The following PTCHD4 variants were observed in gnomAD, a reference collection of about 807,000 sequenced individuals.
PTCHD4 encodes patched domain-containing protein 4.
In PTCHD4, 33 loss-of-function variants were observed where a neutral mutation model predicts 58.1. That is an observed-to-expected ratio of 0.57 (90% CI 0.43 to 0.76). The LOEUF is 0.76. PTCHD4 is among the 30% of genes least tolerant of loss of function. The pLI is 0.00. For missense variants in PTCHD4, 1,058 were observed against 1,027.1 expected, an observed-to-expected ratio of 1.03 and a Z score of -0.41; for synonymous variants, 478 against 409.6, an observed-to-expected ratio of 1.17 and a Z score of -2.02.
chr6:47,959,271 A>G (rs1766989464), intron 4 of PTCHD4, among the ~76,000 whole-genome samples: 2 of 152,332 alleles, frequency 1.3e-5, no homozygotes, highest in African/African-American at 4.8e-5. Context: ...AATAAAAATG[A>G]CAATTCCTGG....
intron 4 of PTCHD4, among the ~76,000 whole-genome samples, chr6:47,934,580 G>T (rs531562291): frequency 6.6e-6 from 1 of 152,060 alleles, no homozygotes; most frequent in African/African-American, 2.4e-5. Flanking sequence ...AGTTAAATTT[G>T]ACCAGTGTGA....
intron 3 of PTCHD4, among the ~76,000 whole-genome samples, chr6:48,064,008 G>T (rs1764713255): frequency 6.6e-6 from 1 of 152,148 alleles, no homozygotes; most frequent in Admixed American, 6.5e-5. Context: ...TTAAGAAGCA[G>T]GAAAGTCTAT....
At chr6:47,938,310 T>C (rs1315957756) in intron 4 of PTCHD4, among the ~76,000 whole-genome samples, 1 of 152,296 alleles carries the variant, frequency 6.6e-6, no homozygotes, top group East Asian at 1.9e-4. Flanking sequence ...AGTGGAATGA[T>C]GGGGCTTGTG....
intron 1 of PTCHD4, among the ~76,000 whole-genome samples, chr6:48,110,017 T>C (rs1340106011): frequency 6.6e-6 from 1 of 152,154 alleles, no homozygotes; most frequent in Non-Finnish European, 1.5e-5. Flanking sequence ...GTTGGAAATG[T>C]AAACTGGTAA....
Position 47,931,162 on chromosome 6 carries a change from G to A in PTCHD4, c.899-51226C>T, listed in dbSNP as rs973500169. ...GAAGGTTCATTAATCCACCCAAAGC[G>A]TTCCTGAATGAGGGACCTGGCAGCA... is the stretch of plus-strand genomic sequence containing the variant. On this transcript the variant is annotated intron_variant, in intron 4 of 4. Coordinates refer to ENST00000339488, the MANE Select transcript of PTCHD4 (RefSeq NM_001384253.1). 5.0e-4 allele frequency among the ~76,000 whole-genome samples: 76 copies of A among 152,318 alleles called. 1 individual carries two copies. The highest frequency in any genetic ancestry group is 3.4e-3 in the Middle Eastern group (1 of 294).
At chr6:48,035,200 C>T (rs1763588882) in intron 3 of PTCHD4, among the ~76,000 whole-genome samples, 1 of 151,936 alleles carries the variant, frequency 6.6e-6, no homozygotes, top group Non-Finnish European at 1.5e-5. Context: ...ATATAATATA[C>T]CATTGAAACA....
At chr6:47,932,559 T>G (rs1765862203) in intron 4 of PTCHD4, among the ~76,000 whole-genome samples, 1 of 152,244 alleles carries the variant, frequency 6.6e-6, no homozygotes, top group Non-Finnish European at 1.5e-5. Context: ...TCAGTAACTA[T>G]GTTCAGAGTA....
chr6:47,879,055 C>T lies in PTCHD4; in HGVS notation c.1780G>A (p.Ala594Thr), dbSNP rs769436565. ...GCAATGATATTGCTTTCATCCCCTG[C>T]CTTGGAGAAGATGATATCATTTCGA... The part of the protein sequence containing the change: ...HFRNDIIFSK[A>T]GDESNIIASR... Residue 594 changes from alanine (A) to threonine (T), a missense_variant, in exon 5 of 5, where the codon GCA becomes ACA. Physicochemically the swap from Ala to Thr is moderately conservative, Grantham distance 58. Coordinates refer to ENST00000339488, the MANE Select transcript of PTCHD4 (RefSeq NM_001384253.1). 1 of 1,613,458 alleles carries T rather than the reference C, an allele frequency of 6.2e-7. No individual in the cohort carries two copies. Among genetic ancestry groups the T allele is most frequent in the Non-Finnish European group, 8.5e-7 (1 of 1,179,748 alleles).
At chr6:48,020,015 G>T (rs965207223) in intron 3 of PTCHD4, among the ~76,000 whole-genome samples, 3 of 152,064 alleles carry the variant, frequency 2.0e-5, no homozygotes, top group East Asian at 1.9e-4. Context: ...GTATTCCTGA[G>T]ACTTGGAGAA....
intron 1 of PTCHD4, among the ~76,000 whole-genome samples, chr6:48,110,703 T>C (rs1765853131): frequency 6.7e-6 from 1 of 149,732 alleles, no homozygotes; most frequent in Non-Finnish European, 1.5e-5. Context: ...TATTAATAGG[T>C]AGATGGATTT....
rs533510885 is a variant in PTCHD4 at position 47,873,277 on chromosome 6, A to G, written c.*5026T>C. Among the ~76,000 whole-genome samples the G allele has an allele frequency of 4.6e-5, 7 of 151,878 alleles. No homozygotes were observed. The highest frequency in any genetic ancestry group is 1.7e-4 in the African/African-American group (7 of 41,510). The stretch of plus-strand genomic sequence containing the variant: ...CACGTGATTCTCTCTGCTGTATTCT[A>G]AATCACAGAATATGTGGTATTATTC... On this transcript the variant is annotated 3_prime_UTR_variant, in exon 5 of 5. Coordinates refer to ENST00000339488, the MANE Select transcript of PTCHD4 (RefSeq NM_001384253.1).
At chr6:48,050,261 T>C (rs1434370350) in intron 3 of PTCHD4, among the ~76,000 whole-genome samples, 1 of 152,010 alleles carries the variant, frequency 6.6e-6, no homozygotes, top group Non-Finnish European at 1.5e-5. Flanking sequence ...TTAATAAAAC[T>C]GACTAAATTC....
intron 4 of PTCHD4, among the ~76,000 whole-genome samples, chr6:47,949,392 G>A (rs1438188270): frequency 6.6e-6 from 1 of 152,178 alleles, no homozygotes; most frequent in Non-Finnish European, 1.5e-5. Flanking sequence ...TTGTGGCTTT[G>A]ATTAGTGTCT....
chr6:47,958,384 G>T (rs1380449884), intron 4 of PTCHD4, among the ~76,000 whole-genome samples: 3 of 152,130 alleles, frequency 2.0e-5, no homozygotes. Flanking sequence ...CCAAGAACTG[G>T]ATAAACTATA....
rs537348944 is a variant in PTCHD4 at position 48,106,516 on chromosome 6, G to A, written c.-970+4533C>T. Among the ~76,000 whole-genome samples the A allele has an allele frequency of 3.7e-4, 56 of 152,240 alleles. 2 individuals carry two copies. In the South Asian group the frequency reaches 0.011, roughly 30 times the overall value. ...TATCATACTGAATGGACAAAAACTG[G>A]AAGCATTCCCTTTGAAAACTGGCAC... On this transcript the variant is annotated intron_variant, in intron 1 of 4. Coordinates refer to ENST00000339488, the MANE Select transcript of PTCHD4 (RefSeq NM_001384253.1).
intron 1 of PTCHD4, among the ~76,000 whole-genome samples, chr6:48,098,754 C>A (rs1186244199): frequency 6.6e-6 from 1 of 152,164 alleles, no homozygotes; most frequent in African/African-American, 2.4e-5. Context: ...AAAATATTTT[C>A]TTGGTCTTGT....
chr6:48,079,745 T>A (rs12110751), intron 1 of PTCHD4, among the ~76,000 whole-genome samples: 1,621 of 151,976 alleles, frequency 0.011, 31 homozygotes, highest in African/African-American at 0.037. Flanking sequence ...GCCAGTGCTA[T>A]TATTGCCTAT....
chr6:47,975,408 T>A (rs1038132698), intron 4 of PTCHD4, among the ~76,000 whole-genome samples: 13 of 152,140 alleles, frequency 8.5e-5, no homozygotes, highest in African/African-American at 3.1e-4. Context: ...TTTAAAAAAA[T>A]TATATTTTAC....
At chr6:47,956,341 T>C (rs1766859065) in intron 4 of PTCHD4, among the ~76,000 whole-genome samples, 1 of 152,236 alleles carries the variant, frequency 6.6e-6, no homozygotes, top group Non-Finnish European at 1.5e-5. Flanking sequence ...GGTAATACTA[T>C]ACGGATGAAG....
Sources: gnomAD v4.1 joint callset for allele counts (sites outside exome capture counted in the v4.1 genomes callset) on GRCh38, gnomAD v4.1.1 for gene constraint, MANE v1.5 for transcripts, NCBI Gene and HGNC (gene_info 2026-07-23, HGNC 2026-07-21) for gene names.